The following RGL1 variants were observed in gnomAD, a reference collection of about 807,000 sequenced individuals.
RGL1 encodes the protein ral guanine nucleotide dissociation stimulator-like 1.
A neutral mutation model predicts 95.2 loss-of-function variants in RGL1; 24 were observed. That is an observed-to-expected ratio of 0.25 (90% CI 0.18 to 0.35). The LOEUF (loss-of-function observed/expected upper bound fraction) is 0.35, where lower values mean the gene tolerates loss of function less well. Ranked by LOEUF, RGL1 falls within the 10% of genes least tolerant of loss-of-function variation. RGL1 has a pLI of 1.00. For missense variants in RGL1, 715 were observed against 936.3 expected, an observed-to-expected ratio of 0.76 and a Z score of 3.08; for synonymous variants, 329 against 344.9, an observed-to-expected ratio of 0.95 and a Z score of 0.51.
At chr1:183,898,288 C>G (rs757263493) in intron 10 of RGL1, among the ~76,000 whole-genome samples, 4 of 152,152 alleles carry the variant, frequency 2.6e-5, no homozygotes, top group Non-Finnish European at 5.9e-5. Context: ...ACATGGTGAC[C>G]AAGGAGAAAG....
At chr1:183,694,439 C>A (rs1654141111) in intron 1 of RGL1, among the ~76,000 whole-genome samples, 1 of 152,152 alleles carries the variant, frequency 6.6e-6, no homozygotes, top group South Asian at 2.1e-4. Context: ...TCAGTCCTTC[C>A]TCTATGTTAT....
intron 3 of RGL1, among the ~76,000 whole-genome samples, chr1:183,862,404 A>G (rs527875828): frequency 1.8e-4 from 28 of 152,322 alleles, no homozygotes; most frequent in Non-Finnish European, 3.4e-4. Flanking sequence ...AGGGGCAAAT[A>G]ATCATCTCCA....
At chr1:183,722,444 A>G (rs1656063172) in intron 1 of RGL1, among the ~76,000 whole-genome samples, 1 of 152,186 alleles carries the variant, frequency 6.6e-6, no homozygotes, top group Non-Finnish European at 1.5e-5. Context: ...AACATCTTTC[A>G]TATTTTATGA....
At chr1:183,739,390 A>G (rs1657148233) in intron 1 of RGL1, among the ~76,000 whole-genome samples, 1 of 152,192 alleles carries the variant, frequency 6.6e-6, no homozygotes, top group African/African-American at 2.4e-5. Flanking sequence ...AGGCTTTCTG[A>G]ACTGATCTAG....
In RGL1 at chr1:183,884,764, C is replaced by T; in HGVS notation, c.777C>T (p.Cys259=). 1 of 1,614,102 alleles carries T rather than the reference C, an allele frequency of 6.2e-7. No individual in the cohort carries two copies. Among genetic ancestry groups the T allele is most frequent in the Non-Finnish European group, 8.5e-7 (1 of 1,179,980 alleles). ...TAGTGCCTCACCACTGCCTGGGCTG[C>T]ATTTGGTCTCGAAGGGATAAGAAGG... ...KKVVPHHCLG[C]IWSRRDKKEN... is the part of the protein sequence containing the mutation. Residue 259 remains cysteine, a synonymous_variant, in exon 7 of 18, where the codon TGC becomes TGT. Transcript: ENST00000360851.
intron 2 of RGL1, among the ~76,000 whole-genome samples, chr1:183,784,384 C>T (rs752899115): frequency 1.3e-5 from 2 of 152,284 alleles, no homozygotes; most frequent in African/African-American, 4.8e-5. Flanking sequence ...AGGCTCCAGC[C>T]GCTATGCTCA....
At chr1:183,718,556 G>C (rs1655784297) in intron 1 of RGL1, among the ~76,000 whole-genome samples, 1 of 152,138 alleles carries the variant, frequency 6.6e-6, no homozygotes, top group Non-Finnish European at 1.5e-5. Context: ...TATGGGCTTT[G>C]AGTTTAGGCT....
At chr1:183,747,842 G>A (rs1217232369) in intron 2 of RGL1, among the ~76,000 whole-genome samples, 1 of 152,158 alleles carries the variant, frequency 6.6e-6, no homozygotes, top group Non-Finnish European at 1.5e-5. Context: ...GGTAAGGCTG[G>A]CCTCATAAAA....
At chr1:183,702,908 C>T (rs538284905) in intron 1 of RGL1, among the ~76,000 whole-genome samples, 7 of 152,278 alleles carry the variant, frequency 4.6e-5, no homozygotes, top group East Asian at 1.9e-4. Context: ...GCACCAAATG[C>T]GGACAGGGTA....
exon 2 of RGL1, chr1:183,742,173 G>A (rs1349316508): frequency 1.2e-6 from 2 of 1,614,084 alleles, no homozygotes; most frequent in Non-Finnish European, 8.5e-7. Context: ...GGTGAAACCT[G>A]TGGGAGAACC....
intron 2 of RGL1, among the ~76,000 whole-genome samples, chr1:183,825,168 T>A (rs760161203): frequency 4.6e-5 from 7 of 152,198 alleles, no homozygotes; most frequent in African/African-American, 1.7e-4. Context: ...TTTGTGGTGC[T>A]GGTGGGAGGG....
At chr1:183,899,851 C>T (rs977755922) in intron 10 of RGL1, among the ~76,000 whole-genome samples, 9 of 152,222 alleles carry the variant, frequency 5.9e-5, no homozygotes, top group African/African-American at 1.9e-4. Context: ...TGAAAGAGAA[C>T]AGACATCCTT....
intron 4 of RGL1, among the ~76,000 whole-genome samples, chr1:183,871,503 C>A (rs1329601635): frequency 6.6e-6 from 1 of 152,186 alleles, no homozygotes; most frequent in African/African-American, 2.4e-5. Context: ...GGGACAGGGA[C>A]TCACTATTGG....
intron 2 of RGL1, among the ~76,000 whole-genome samples, chr1:183,836,515 C>T (rs111472673): frequency 0.024 from 3,579 of 152,144 alleles, 155 homozygotes; most frequent in African/African-American, 0.083. Flanking sequence ...GTGATCCACC[C>T]ACCTAGGCCT....
upstream of RGL1, among the ~76,000 whole-genome samples, chr1:183,801,195 TA>T (rs1660973263): frequency 6.7e-6 from 1 of 150,042 alleles, no homozygotes; most frequent in Non-Finnish European, 1.5e-5. Context: ...ATGGCCACCT[TA>T]ACAGGTTTGA....
intron 14 of RGL1, among the ~76,000 whole-genome samples, chr1:183,910,875 A>G (rs1006869313): frequency 8.5e-5 from 13 of 152,132 alleles, no homozygotes; most frequent in African/African-American, 3.1e-4. Context: ...ATTTCCTAAC[A>G]TACTTATTTT....
At chr1:183,673,487 A>G (rs945936670) in intron 1 of RGL1, among the ~76,000 whole-genome samples, 2 of 152,196 alleles carry the variant, frequency 1.3e-5, no homozygotes, top group African/African-American at 4.8e-5. Context: ...CCAAGGCTTC[A>G]TTGTTGATTC....
chr1:183,892,215 T>C, intron 9 of RGL1, 54 bp downstream of exon 9: 1 of 1,328,546 alleles, frequency 7.5e-7, no homozygotes, highest in East Asian at 2.3e-5. Flanking sequence ...CTGGAATCCA[T>C]TCAAGGAAGA....
chr1:183,677,983 T>G (rs192224973), intron 1 of RGL1, among the ~76,000 whole-genome samples: 9 of 152,350 alleles, frequency 5.9e-5, no homozygotes, highest in Admixed American at 5.2e-4. Context: ...AAAATTATAC[T>G]TCCATATGTA....
Sources: allele counts gnomAD v4.1 joint callset (sites outside exome capture counted in the v4.1 genomes callset), GRCh38; gene constraint gnomAD v4.1.1; transcripts MANE v1.5; gene names NCBI Gene and HGNC (gene_info 2026-07-23, HGNC 2026-07-21).